CNNM1: variants seen among roughly 807,000 people sequenced by gnomAD.
The protein encoded by CNNM1 is metal transporter CNNM1.
CNNM1 carries 44 observed loss-of-function variants against 78.8 expected under a neutral mutation model. That is an observed-to-expected ratio of 0.56 (90% confidence interval 0.44 to 0.72). The LOEUF is 0.72. CNNM1 is among the 30% of genes least tolerant of loss of function. The pLI is 0.00. For missense variants in CNNM1, 1,101 were observed against 1,292.2 expected (o/e 0.85, Z 2.27); for synonymous variants, 584 against 581.5 (o/e 1.00, Z -0.06).
At chr10:99,345,093 C>G (rs1438981011) in intron 1 of CNNM1, among the ~76,000 whole-genome samples, 1 of 152,216 alleles carries the variant, frequency 6.6e-6, no homozygotes, top group Non-Finnish European at 1.5e-5. Context: ...CCATCACATA[C>G]TAATATTGTC....
intron 5 of CNNM1, 46 bp from the exon 6 acceptor site, chr10:99,364,909 G>A (rs772289459): frequency 1.3e-6 from 2 of 1,587,188 alleles, no homozygotes; most frequent in Middle Eastern, 1.7e-4. Context: ...TAAGAAGTGT[G>A]TTTTCTGAGT....
At chr10:99,356,622 A>AAAG (rs1258336501) in intron 1 of CNNM1, among the ~76,000 whole-genome samples, 113 of 110,780 alleles carry the variant, frequency 1.0e-3, no homozygotes, top group Middle Eastern at 5.0e-3. Context: ...AGAAAGAAAG[A>AAAG]AAAGAAAAGA....
chr10:99,340,631 C>G (rs1440122757), intron 1 of CNNM1, among the ~76,000 whole-genome samples: 4 of 152,060 alleles, frequency 2.6e-5, no homozygotes, highest in Non-Finnish European at 4.4e-5. Flanking sequence ...TCAATAACAG[C>G]TCTAAATTCT....
intron 1 of CNNM1, among the ~76,000 whole-genome samples, chr10:99,348,212 T>G (rs539507201): frequency 6.6e-6 from 1 of 151,848 alleles, no homozygotes; most frequent in Admixed American, 6.6e-5. Flanking sequence ...CTGGCTAAAT[T>G]TTTTAAAATT....
intron 6 of CNNM1, among the ~76,000 whole-genome samples, chr10:99,371,410 C>T (rs1156790740): frequency 6.6e-6 from 1 of 152,200 alleles, no homozygotes; most frequent in Non-Finnish European, 1.5e-5. Context: ...TTCACTCCTT[C>T]TTTCTTCTCC....
intron 6 of CNNM1, among the ~76,000 whole-genome samples, chr10:99,365,766 ACT>A (rs1272102718): frequency 1.3e-5 from 2 of 152,228 alleles, no homozygotes; most frequent in African/African-American, 4.8e-5. Flanking sequence ...TACAGTGACC[ACT>A]TCAATGCCAA....
intron 4 of CNNM1, among the ~76,000 whole-genome samples, chr10:99,362,662 T>C (rs932153030): frequency 6.6e-6 from 1 of 152,182 alleles, no homozygotes; most frequent in Admixed American, 6.5e-5. Context: ...ATAGAGGGGT[T>C]CTGCATCTAA....
chr10:99,365,142 G>T (rs771354393), intron 6 of CNNM1, 140 bp downstream of exon 6: 100 of 821,374 alleles, frequency 1.2e-4, no homozygotes, highest in Non-Finnish European at 2.0e-4. Flanking sequence ...GTTCTGCCAG[G>T]AACACTGCTT....
rs1471113428 is a variant in CNNM1, at chr10:99,360,913, C to T, written c.1796C>T (p.Thr599Met). The change falls in exon 3 of 11, where the codon ACG becomes ATG. Residue 599 changes from threonine to methionine, a missense_variant. Transcript: ENST00000356713. ...HDFSLFKLSD[T>M]EMRVKISPQL... is the part of the protein sequence containing the mutation. ...TTCTCCTTGTTTAAGCTTTCGGACA[C>T]GGAGATGCGGGTGAAGATCTCACCA... The T allele has an allele frequency of 6.8e-6, 11 of 1,613,102 alleles. No individual in the cohort carries two copies. The highest frequency in any genetic ancestry group is 2.2e-5 in the East Asian group (1 of 44,858).
chr10:99,389,849 T>C (rs2032419255), intron 9 of CNNM1, among the ~76,000 whole-genome samples: 1 of 152,168 alleles, frequency 6.6e-6, no homozygotes, highest in South Asian at 2.1e-4. Flanking sequence ...CTGTAACTCT[T>C]TGAATTCCCA....
chr10:99,388,908 G>A (rs1330810880), intron 9 of CNNM1, among the ~76,000 whole-genome samples: 3 of 152,108 alleles, frequency 2.0e-5, no homozygotes, highest in Non-Finnish European at 2.9e-5. Flanking sequence ...GAACACTTCT[G>A]CCTTGACAGT....
At chr10:99,366,368 A>G (rs1347295997) in intron 6 of CNNM1, among the ~76,000 whole-genome samples, 2 of 152,162 alleles carry the variant, frequency 1.3e-5, no homozygotes, top group Non-Finnish European at 2.9e-5. Context: ...TATGTTACCT[A>G]GAAATGTCTG....
rs945221757 is a variant in CNNM1, at chr10:99,393,223, C to T, written c.*1707C>T. On this transcript the variant is annotated 3_prime_UTR_variant, in exon 11 of 11. Transcript: ENST00000356713. ...TTCCCTCCCCTTCCTCCAAAACCCT[C>T]CCTCCCACCTCCCCACACCCATTGA... 6.6e-6 allele frequency: 1 copy of T among 152,508 alleles called. No individual in the cohort carries two copies. The highest frequency in any genetic ancestry group is 1.9e-4 in the East Asian group (1 of 5,162). 9.4% of individuals were successfully genotyped at this position (152,508 alleles called of 1,614,324 possible).
At chr10:99,386,349 C>T (rs956608503) in intron 7 of CNNM1, among the ~76,000 whole-genome samples, 3 of 152,104 alleles carry the variant, frequency 2.0e-5, no homozygotes, top group African/African-American at 7.2e-5. Flanking sequence ...CAGTCTCCAC[C>T]CCAGACCTAG....
At chr10:99,369,488 A>T (rs2031732733) in intron 6 of CNNM1, among the ~76,000 whole-genome samples, 1 of 152,190 alleles carries the variant, frequency 6.6e-6, no homozygotes, top group Non-Finnish European at 1.5e-5. Context: ...TCATCGAGAA[A>T]TCGCTTATGT....
chr10:99,338,478 C>T (rs2030291180), intron 1 of CNNM1, among the ~76,000 whole-genome samples: 1 of 151,980 alleles, frequency 6.6e-6, no homozygotes, highest in Admixed American at 6.6e-5. Flanking sequence ...GAGGTTTCAC[C>T]GTGTTGCCCG....
chr10:99,359,773 C>G (rs895923587), intron 2 of CNNM1, among the ~76,000 whole-genome samples: 1 of 152,106 alleles, frequency 6.6e-6, no homozygotes, highest in African/African-American at 2.4e-5. Flanking sequence ...TCCCCCACAG[C>G]CCTGTTTCTC....
rs758246458 is a variant in CNNM1, at chr10:99,329,570, C to T, written c.183C>T (p.Thr61=). 2 of 1,526,258 alleles carry T rather than the reference C, an allele frequency of 1.3e-6. No homozygotes were observed. Among genetic ancestry groups the T allele is most frequent in the South Asian group, 2.5e-5 (2 of 81,394 alleles). 94.5% of individuals were successfully genotyped at this position (1,526,258 alleles called of 1,614,324 possible). The change falls in exon 1 of 11, where the codon ACC becomes ACT. Residue 61 remains threonine, a synonymous_variant. Transcript: ENST00000356713. ...AGGRVSLEGG[T]LRAAEGTSFL... ...GCCGCGTGTCCCTGGAGGGGGGCAC[C>T]CTGCGCGCCGCCGAAGGCACCAGCT... is the stretch of plus-strand genomic sequence containing the variant.
At chr10:99,378,702 A>G (rs537518440) in intron 7 of CNNM1, among the ~76,000 whole-genome samples, 1 of 152,290 alleles carries the variant, frequency 6.6e-6, no homozygotes, top group African/African-American at 2.4e-5. Context: ...CAGCCACCCT[A>G]TGAGGTAGGT....
Sources: allele counts gnomAD v4.1 joint callset (sites outside exome capture counted in the v4.1 genomes callset), GRCh38; gene constraint gnomAD v4.1.1; transcripts MANE v1.5; gene names NCBI Gene and HGNC (gene_info 2026-07-23, HGNC 2026-07-21).